The following ANKK1 variants were observed in gnomAD, a reference collection of about 807,000 sequenced individuals.
ANKK1 encodes the protein ankyrin repeat and kinase domain containing 1, also known as ankyrin repeat and protein kinase domain-containing protein 1.
Under a neutral mutation model 37.6 loss-of-function variants are expected in ANKK1, and 37 were observed. The ratio of observed to expected loss-of-function variants is 0.98; its 90% CI spans 0.76 to 1.29. ANKK1 has a LOEUF of 1.29. Ranked by LOEUF, ANKK1 falls within the 50% of genes most tolerant of loss-of-function variation. The probability of loss-of-function intolerance (pLI) is 0.00; values close to 1 mark genes in which losing one functional copy is unlikely to be tolerated. For synonymous variants in ANKK1, 415 were observed against 418.7 expected, an observed-to-expected ratio of 0.99 and a Z score of 0.11; for missense variants, 1,019 against 990.6, an observed-to-expected ratio of 1.03 and a Z score of -0.39.
At chr11:113,393,400 A>G in intron 1 of ANKK1, 81 bp from the exon 2 acceptor site, 2 of 1,448,736 alleles carry the variant, frequency 1.4e-6, no homozygotes, top group South Asian at 1.3e-5. Context: ...GTCTGGCATC[A>G]TGGCTAGTTT....
Position 113,394,928 on chromosome 11 carries a change from G to C in ANKK1, c.481-1G>C. ...TTATCTCTGCCCCTGCCTTCTCCCA[G>C]ATTTCAGACTTCGGCCTGTCCAAGT... is the stretch of plus-strand genomic sequence containing the variant. On this transcript the variant is annotated splice_acceptor_variant, in intron 2 of 7. Transcript: ENST00000303941. LOFTEE classifies it high-confidence loss of function. The C allele has an allele frequency of 6.2e-7, 1 of 1,605,334 alleles. No individual in the cohort carries two copies. Among genetic ancestry groups the C allele is most frequent in the Non-Finnish European group, 8.5e-7 (1 of 1,173,468 alleles).
rs1345358958 is a variant in ANKK1 at position 113,400,112 on chromosome 11, G to C, written c.2143G>C (p.Gly715Arg). The C allele has an allele frequency of 1.9e-6, 3 of 1,612,716 alleles. No homozygotes were observed. The African/African-American group carries it at 4.0e-5, about 22-fold the overall frequency. Residue 715 changes from glycine (G) to arginine (R), a missense_variant, in exon 8 of 8, where the codon GGC becomes CGC. Transcript: ENST00000303941. ...TAILKVLVEAGAQLDVQDGVS... is the reference protein window; with the variant it reads ...TAILKVLVEARAQLDVQDGVS... ...CATCCTCAAAGTGCTGGTCGAGGCA[G>C]GCGCCCAGCTGGACGTCCAGGATGG...
Position 113,399,856 on chromosome 11 carries a change from C to T in ANKK1, c.1887C>T (p.Pro629=). Residue 629 remains proline (P), a synonymous_variant, in exon 8 of 8, where the codon CCC becomes CCT. Transcript: ENST00000303941. ...CTCTTGGAGCTGTGAACTGGACTCCCCTGCACCTAGCTGCACGCCACGGGG... is the reference window on the plus strand; with the variant it reads ...CTCTTGGAGCTGTGAACTGGACTCCTCTGCACCTAGCTGCACGCCACGGGG... ...MGALGAVNWT[P]LHLAARHGEE... 6.2e-7 allele frequency: 1 copy of T among 1,612,118 alleles called. No homozygotes were observed. The highest frequency in any genetic ancestry group is 1.3e-5 in the African/African-American group (1 of 74,992).
In ANKK1 at chr11:113,399,516, AG is replaced by A. The variant is rs1272691654; in HGVS notation, c.1552del (p.Ala518LeufsTer10). 9 of 1,595,064 alleles carry A rather than the reference AG, an allele frequency of 5.6e-6. No individual in the cohort carries two copies. The highest frequency in any genetic ancestry group is 7.7e-6 in the Non-Finnish European group (9 of 1,171,214). ...HVSLVKLLTS[Q>X]GAELDAQQRN... ...AGCCTGGTCAAGCTGCTGACCAGCC[AG>A]GGGGCTGAGTTGGATGCTCAGCAGA... is the stretch of plus-strand genomic sequence containing the variant. On this transcript the variant is annotated frameshift_variant, in exon 8 of 8. Transcript: ENST00000303941. LOFTEE classifies it low-confidence loss of function (END_TRUNC).
chr11:113,399,641 C>G lies in ANKK1; in HGVS notation c.1672C>G (p.Gln558Glu). 6.2e-7 allele frequency: 1 copy of G among 1,605,828 alleles called. No individual in the cohort carries two copies. Reference sequence around the variant, plus strand: ...TGGAGCGGTCCCTGATGCCCTTGACCAGAGCGGCTACGGCCCACTGCACAC... The same window carrying G: ...TGGAGCGGTCCCTGATGCCCTTGACGAGAGCGGCTACGGCCCACTGCACAC... Reference protein sequence around the residue: ...KSGAVPDALDQSGYGPLHTAA... With the variant: ...KSGAVPDALDESGYGPLHTAA... The change falls in exon 8 of 8, where the codon CAG (glutamine) becomes GAG (glutamate). Residue 558 changes from glutamine (Q) to glutamate (E), a missense_variant. Physicochemically the swap from Gln to Glu is conservative, Grantham distance 29. Coordinates refer to ENST00000303941, the MANE Select transcript of ANKK1 (RefSeq NM_178510.2).
chr11:113,395,527 T>C lies in ANKK1; in HGVS notation c.682+119T>C. On this transcript the variant is annotated intron_variant, in intron 4 of 7. Transcript: ENST00000303941. ...GTCAAGTTGCAGGTTTGTGTGGAAC[T>C]GTATTCTCTTCAGGGATTCCTCTCC... 1.6e-5 allele frequency: 17 copies of C among 1,061,418 alleles called. No individual in the cohort carries two copies. The South Asian group carries it at 2.2e-4, about 14-fold the overall frequency. The allele number at this position is 1,061,418 out of a possible 1,614,324, so 65.7% of individuals were successfully genotyped here.
rs367585993 is a variant in ANKK1, at chr11:113,395,407, A to G, written c.681A>G (p.Ser227=). The change falls in exon 4 of 8, where the codon TCA becomes TCG. Residue 227 remains serine, a splice_region_variant and synonymous_variant. Coordinates refer to ENST00000303941, the MANE Select transcript of ANKK1 (RefSeq NM_178510.2). The part of the protein sequence containing the change: ...WELLTQKKPY[S]GFNMMMIIIR... Reference sequence around the variant, plus strand: ...TACTCACTCAGAAGAAACCATACTCAGGTAAGCAGGCGGCTGTGGCTCTGT... The same window carrying G: ...TACTCACTCAGAAGAAACCATACTCGGGTAAGCAGGCGGCTGTGGCTCTGT... 4.3e-6 allele frequency: 7 copies of G among 1,613,548 alleles called. 1 individual carries two copies. Among genetic ancestry groups the G allele is most frequent in the Non-Finnish European group, 5.1e-6 (6 of 1,179,686 alleles).
Position 113,399,476 on chromosome 11 carries a change from T to A in ANKK1, c.1507T>A (p.Tyr503Asn). The A allele has an allele frequency of 6.3e-7, 1 of 1,592,666 alleles. No individual in the cohort carries two copies. The highest frequency in any genetic ancestry group is 8.5e-7 in the Non-Finnish European group (1 of 1,170,056). ...CAAGACCCCCCTCCATGTGGCCGCC[T>A]ACTTTGGCCATGTTAGCCTGGTCAA... ...EGKTPLHVAAYFGHVSLVKLL... is the reference protein window; with the variant it reads ...EGKTPLHVAANFGHVSLVKLL... The change falls in exon 8 of 8, where the codon TAC (tyrosine) becomes AAC (asparagine). Residue 503 changes from tyrosine to asparagine, a missense_variant. By Grantham distance (143) the Tyr-to-Asn change is moderately radical (BLOSUM62 -2). Coordinates refer to ENST00000303941, the MANE Select transcript of ANKK1 (RefSeq NM_178510.2).
In ANKK1 at chr11:113,387,939, G is replaced by A. The variant is rs1306810570; in HGVS notation, c.55G>A (p.Asp19Asn). Reference protein sequence around the residue: ...RLGSLPVFTRDDFEGDWRLVA... With the variant: ...RLGSLPVFTRNDFEGDWRLVA... ...GGGCAGCCTCCCCGTCTTCACCCGCGACGACTTCGAGGGCGACTGGCGCCT... is the reference window on the plus strand; with the variant it reads ...GGGCAGCCTCCCCGTCTTCACCCGCAACGACTTCGAGGGCGACTGGCGCCT... The change falls in exon 1 of 8, where the codon GAC becomes AAC. Residue 19 changes from aspartate to asparagine, a missense_variant. Transcript: ENST00000303941. 2 of 1,572,778 alleles carry A rather than the reference G, an allele frequency of 1.3e-6. No homozygotes were observed. The highest frequency in any genetic ancestry group is 1.7e-6 in the Non-Finnish European group (2 of 1,165,820).
chr11:113,391,489 T>A (rs1477531676), intron 1 of ANKK1, among the ~76,000 whole-genome samples: 1 of 151,988 alleles, frequency 6.6e-6, no homozygotes, highest in African/African-American at 2.4e-5. Flanking sequence ...GAGATGCACC[T>A]TGGGGGAGAG....
intron 1 of ANKK1, among the ~76,000 whole-genome samples, chr11:113,392,397 G>A (rs1272918497): frequency 6.6e-6 from 1 of 152,162 alleles, no homozygotes; most frequent in African/African-American, 2.4e-5. Flanking sequence ...ACAAGAATAG[G>A]AGAAACCTAC....
chr11:113,400,114 C>A lies in ANKK1; in HGVS notation c.2145C>A (p.Gly715=). 1 of 1,612,434 alleles carries A rather than the reference C, an allele frequency of 6.2e-7. No individual in the cohort carries two copies. The highest frequency in any genetic ancestry group is 8.5e-7 in the Non-Finnish European group (1 of 1,179,428). Residue 715 remains glycine (G), a synonymous_variant, in exon 8 of 8, where the codon GGC becomes GGA. Coordinates refer to ENST00000303941, the MANE Select transcript of ANKK1 (RefSeq NM_178510.2). ...TCCTCAAAGTGCTGGTCGAGGCAGGCGCCCAGCTGGACGTCCAGGATGGAG... is the reference window on the plus strand; with the variant it reads ...TCCTCAAAGTGCTGGTCGAGGCAGGAGCCCAGCTGGACGTCCAGGATGGAG... The part of the protein sequence containing the change: ...TAILKVLVEA[G]AQLDVQDGVS...
Position 113,399,159 on chromosome 11 carries a change from C to T in ANKK1, c.1190C>T (p.Thr397Met), listed in dbSNP as rs753165961. Residue 397 changes from threonine to methionine, a missense_variant, in exon 8 of 8, where the codon ACG (threonine) becomes ATG (methionine). Coordinates refer to ENST00000303941, the MANE Select transcript of ANKK1 (RefSeq NM_178510.2). ...DVDCQTASGY[T>M]PLLIAAQDQQ... is the part of the protein sequence containing the mutation. ...GACTGCCAGACGGCCTCTGGATACA[C>T]GCCCCTCCTGATCGCCGCCCAGGAC... 1.2e-5 allele frequency: 19 copies of T among 1,596,710 alleles called. No homozygotes were observed. Among genetic ancestry groups the T allele is most frequent in the Non-Finnish European group, 1.5e-5 (17 of 1,171,886 alleles).
chr11:113,397,410 A>G, intron 6 of ANKK1, 68 bp downstream of exon 6: 2 of 1,350,302 alleles, frequency 1.5e-6, no homozygotes, highest in Non-Finnish European at 1.0e-6. Flanking sequence ...GACTGTTGTG[A>G]TCTCTGGCCA....
At chr11:113,398,119 G>T in intron 7 of ANKK1, 103 bp downstream of exon 7, 1 of 1,357,096 alleles carries the variant, frequency 7.4e-7, no homozygotes. Context: ...TCATCCCCAG[G>T]CCTATCACAC....
At chr11:113,391,800 G>A (rs1950589548) in intron 1 of ANKK1, among the ~76,000 whole-genome samples, 2 of 152,004 alleles carry the variant, frequency 1.3e-5, no homozygotes, top group East Asian at 3.9e-4. Context: ...AGAGAAGAAG[G>A]GCTTGGACTA....
chr11:113,398,855 G>C, intron 7 of ANKK1, 109 bp from the exon 8 acceptor site: 2 of 966,920 alleles, frequency 2.1e-6, no homozygotes. Flanking sequence ...TGCCCTTACT[G>C]CTCTAGCCTC....
chr11:113,399,356 A>T lies in ANKK1; in HGVS notation c.1387A>T (p.Thr463Ser), dbSNP rs370088482. The part of the protein sequence containing the change: ...CVDAQEREGW[T>S]PLHLAAQNNF... ...GGATGCCCAGGAACGTGAAGGGTGG[A>T]CCCCTCTTCACCTGGCTGCACAGAA... The change falls in exon 8 of 8, where the codon ACC (threonine) becomes TCC (serine). Residue 463 changes from threonine (T) to serine (S), a missense_variant. Thr to Ser is a moderately conservative substitution (Grantham distance 58). Transcript: ENST00000303941. 8.1e-6 allele frequency: 13 copies of T among 1,600,068 alleles called. No individual in the cohort carries two copies. In the African/African-American group the frequency reaches 1.2e-4, roughly 15 times the overall value.
rs45466992 is a variant in ANKK1 at position 113,397,235 on chromosome 11, G to A, written c.850G>A (p.Glu284Lys). The A allele has an allele frequency of 7.0e-4, 1,127 of 1,608,592 alleles. No individual in the cohort carries two copies. The highest frequency in any genetic ancestry group is 8.2e-4 in the Non-Finnish European group (970 of 1,179,772). Residue 284 changes from glutamate to lysine, a missense_variant, in exon 6 of 8, where the codon GAG becomes AAG. Coordinates refer to ENST00000303941, the MANE Select transcript of ANKK1 (RefSeq NM_178510.2). ...KRPCFLDITI[E>K]TDILLSLLQS... ...CACTCATGGAGCAGACATTACCATC[G>A]AGACAGACATACTGCTGTCACTGCT...
Sources: gnomAD v4.1 joint callset for allele counts (sites outside exome capture counted in the v4.1 genomes callset) on GRCh38, gnomAD v4.1.1 for gene constraint, MANE v1.5 for transcripts, NCBI Gene and HGNC (gene_info 2026-07-23, HGNC 2026-07-21) for gene names.